CFAP92: variants seen among roughly 807,000 people sequenced by gnomAD.
CFAP92 encodes cilia and flagella associated protein 92 (putative).
CFAP92 carries 86 observed loss-of-function variants against 106.3 expected under a neutral mutation model. The ratio of observed to expected loss-of-function variants is 0.81; its 90% confidence interval spans 0.68 to 0.97. CFAP92 has a LOEUF of 0.97. Among genes scored for constraint, CFAP92 ranks in the 50% least tolerant of loss-of-function variants. The probability of loss-of-function intolerance (pLI) is 0.00; values close to 1 mark genes in which losing one functional copy is unlikely to be tolerated. For synonymous variants in CFAP92, 477 were observed against 506.4 expected, an observed-to-expected ratio of 0.94 and a Z score of 0.78; for missense variants, 1,204 against 1,283.8, an observed-to-expected ratio of 0.94 and a Z score of 0.95.
Position 128,945,111 on chromosome 3 carries a change from C to T in CFAP92, c.2218G>A (p.Asp740Asn), listed in dbSNP as rs912123813. 1.2e-5 allele frequency: 18 copies of T among 1,533,984 alleles called. No homozygotes were observed. The highest frequency in any genetic ancestry group is 4.1e-5 in the African/African-American group (3 of 73,110). Residue 740 changes from aspartate to asparagine, a missense_variant, in exon 10 of 16, where the codon GAC becomes AAC. Transcript: ENST00000645291. ...THLFILEGLA[D>N]QGLRQLWENH... ...TCCCACAGCTGCCTCAAGCCTTGGT[C>T]GGCCAGGCCTTCCAGGATGAAAAGG...
At chr3:128,956,207 TAAAAAAATAAA>T (rs1941389364) in intron 9 of CFAP92, among the ~76,000 whole-genome samples, 1 of 53,226 alleles carries the variant, frequency 1.9e-5, no homozygotes, top group Non-Finnish European at 3.3e-5. Flanking sequence ...AAAAAAAAAA[TAAAAAAATAAA>T]AAAAAAAAAA....
At chr3:129,006,800 C>G (rs567302358), upstream of CFAP92, among the ~76,000 whole-genome samples, 3 of 152,280 alleles carry the variant, frequency 2.0e-5, no homozygotes, top group East Asian at 5.8e-4. Flanking sequence ...GCCTTCAACC[C>G]TACCTTGCCC....
At chr3:129,025,732 A>G in the CFAP92 span, among the ~76,000 whole-genome samples, 1 of 148,610 alleles carries the variant, frequency 6.7e-6, no homozygotes, top group African/African-American at 2.5e-5. Context: ...ACTGGTCACT[A>G]GACAACAGTA....
chr3:128,964,739 T>C (rs1942234903), intron 9 of CFAP92, among the ~76,000 whole-genome samples: 1 of 151,906 alleles, frequency 6.6e-6, no homozygotes, highest in Admixed American at 6.6e-5. Flanking sequence ...ATACGACAAA[T>C]GTTTCTTCTA....
chr3:128,916,307 G>T, intron 12 of CFAP92, 36 bp from the exon 13 acceptor site: 1 of 1,223,228 alleles, frequency 8.2e-7, no homozygotes, highest in Non-Finnish European at 1.0e-6. Context: ...CCCACACCAG[G>T]TCATCCTCAC....
At chr3:129,003,947 C>A (rs780372831), upstream of CFAP92, 1 of 1,409,254 alleles carries the variant, frequency 7.1e-7, no homozygotes, top group Admixed American at 3.0e-5. Flanking sequence ...GGTGCGGCGG[C>A]GCGCGGAGGA....
upstream of CFAP92, chr3:129,003,264 G>A (rs1944884652): frequency 1.0e-6 from 1 of 985,372 alleles, no homozygotes; most frequent in Non-Finnish European, 1.2e-6. Context: ...GCGCCTGAAC[G>A]GTCTTCCGGC....
intron 12 of CFAP92, among the ~76,000 whole-genome samples, chr3:128,919,509 ATATAT>A (rs1180075256): frequency 6.6e-6 from 1 of 152,240 alleles, no homozygotes; most frequent in African/African-American, 2.4e-5. Context: ...TAGTCTCAAA[ATATAT>A]TAAGAAACAA....
chr3:128,926,451 G>C (rs1475261939), intron 12 of CFAP92, among the ~76,000 whole-genome samples: 3 of 152,184 alleles, frequency 2.0e-5, no homozygotes, highest in Non-Finnish European at 4.4e-5. Flanking sequence ...GGAGGCAGAA[G>C]TTGCAGTGAG....
At chr3:128,924,746 C>T (rs912282236) in intron 12 of CFAP92, among the ~76,000 whole-genome samples, 11 of 152,160 alleles carry the variant, frequency 7.2e-5, no homozygotes, top group African/African-American at 2.2e-4. Context: ...CACGCCCGAC[C>T]GATTGTATCT....
At chr3:128,964,213 T>C (rs924755013) in intron 9 of CFAP92, among the ~76,000 whole-genome samples, 1 of 152,230 alleles carries the variant, frequency 6.6e-6, no homozygotes, top group African/African-American at 2.4e-5. Context: ...ACTAAAGGTC[T>C]TTTAAAAACA....
At chr3:128,981,509 T>G (rs529882048) in intron 4 of CFAP92, among the ~76,000 whole-genome samples, 12 of 152,048 alleles carry the variant, frequency 7.9e-5, no homozygotes, top group African/African-American at 2.9e-4. Context: ...TTTTGTATTT[T>G]TAGTGGAGAT....
chr3:128,923,123 G>A (rs1043292585), intron 12 of CFAP92, among the ~76,000 whole-genome samples: 4 of 151,796 alleles, frequency 2.6e-5, no homozygotes, highest in South Asian at 4.1e-4. Flanking sequence ...ATTTACTAAC[G>A]TGGGGTTGAG....
chr3:129,015,145 T>C, the CFAP92 span, among the ~76,000 whole-genome samples: 1 of 152,168 alleles, frequency 6.6e-6, no homozygotes, highest in Non-Finnish European at 1.5e-5. Flanking sequence ...GTGACCATCA[T>C]GACTGTGAGT....
chr3:128,910,846 G>T, intron 15 of CFAP92: 1 of 1,610,484 alleles, frequency 6.2e-7, no homozygotes, highest in Non-Finnish European at 8.5e-7. Context: ...GGGAAGGAAG[G>T]GCCCACTTCT....
chr3:128,916,294 C>G (rs1204907127), intron 12 of CFAP92, 23 bp from the exon 13 acceptor site: 1 of 1,231,226 alleles, frequency 8.1e-7, no homozygotes, highest in Non-Finnish European at 1.0e-6. Context: ...ACACCAGTCA[C>G]TACCCACACC....
chr3:128,957,559 A>G (rs1941540336), intron 9 of CFAP92, among the ~76,000 whole-genome samples: 1 of 152,250 alleles, frequency 6.6e-6, no homozygotes, highest in African/African-American at 2.4e-5. Context: ...CCCACAAGAA[A>G]GCAGGAATAA....
chr3:128,932,169 C>A (rs1938467820), intron 12 of CFAP92, among the ~76,000 whole-genome samples: 2 of 152,142 alleles, frequency 1.3e-5, no homozygotes, highest in Admixed American at 6.5e-5. Context: ...CCAAGTCATA[C>A]CACAGATGTC....
At chr3:128,911,230 G>A (rs2107668028) in intron 15 of CFAP92, among the ~76,000 whole-genome samples, 1 of 152,032 alleles carries the variant, frequency 6.6e-6, no homozygotes, top group Non-Finnish European at 1.5e-5. Flanking sequence ...CTAATTTTTT[G>A]TATTTTTAGT....
Sources: allele counts gnomAD v4.1 joint callset (sites outside exome capture counted in the v4.1 genomes callset), GRCh38; gene constraint gnomAD v4.1.1; transcripts MANE v1.5; gene names NCBI Gene and HGNC (gene_info 2026-07-23, HGNC 2026-07-21).